DMXL2: variants seen among roughly 807,000 people sequenced by gnomAD.
The protein encoded by DMXL2 is dmX-like protein 2.
A neutral mutation model predicts 331.1 loss-of-function variants in DMXL2; 103 were observed. The observed-to-expected ratio is 0.31, with a 90% CI of 0.27 to 0.37. The LOEUF (loss-of-function observed/expected upper bound fraction) is 0.37, where lower values mean the gene tolerates loss of function less well. DMXL2 is among the 10% of genes least tolerant of loss of function. The pLI is 1.00. For synonymous variants in DMXL2, 1,281 were observed against 1,252.1 expected, an observed-to-expected ratio of 1.02 and a Z score of -0.49; for missense variants, 3,171 against 3,642.9, an observed-to-expected ratio of 0.87 and a Z score of 3.33.
Position 51,481,241 on chromosome 15 carries a change from T to A in DMXL2, c.5865A>T (p.Val1955=). The A allele has an allele frequency of 6.2e-7, 1 of 1,613,922 alleles. No homozygotes were observed. Among genetic ancestry groups the A allele is most frequent in the Non-Finnish European group, 8.5e-7 (1 of 1,179,908 alleles). Residue 1955 remains valine, a synonymous_variant, in exon 24 of 44, where the codon GTA becomes GTT. Transcript: ENST00000560891. The stretch of plus-strand genomic sequence containing the variant: ...GACTCCAGTCATACTGTGATGAAGT[T>A]ACATTTGACCATTCAATGCCAGAAC... ...NGSSGIEWSN[V]TSSQYDWSQP...
At chr15:51,572,598 G>A (rs566483142) in intron 2 of DMXL2, among the ~76,000 whole-genome samples, 52 of 152,068 alleles carry the variant, frequency 3.4e-4, no homozygotes, top group African/African-American at 9.9e-4. Flanking sequence ...CCATCAAATC[G>A]GCTTCATCCC....
Position 51,537,475 on chromosome 15 carries a change from C to A in DMXL2, c.1617+13G>T. ...TTAAGAAATGTAATAACTATTTCAT[C>A]AATAAAATATACCTGAACTTGTCTA... On this transcript the variant is annotated intron_variant, in intron 11 of 43. Transcript: ENST00000560891. The A allele has an allele frequency of 6.3e-7, 1 of 1,585,722 alleles. No individual in the cohort carries two copies. Among genetic ancestry groups the A allele is most frequent in the South Asian group, 1.1e-5 (1 of 88,122 alleles).
At chr15:51,610,039 T>C (rs918098384) in intron 1 of DMXL2, among the ~76,000 whole-genome samples, 5 of 152,086 alleles carry the variant, frequency 3.3e-5, no homozygotes, top group African/African-American at 1.2e-4. Flanking sequence ...TGTTAATCAA[T>C]GCATCACTGT....
At chr15:51,501,586 C>A (rs1056012115) in intron 17 of DMXL2, among the ~76,000 whole-genome samples, 1 of 152,168 alleles carries the variant, frequency 6.6e-6, no homozygotes, top group Non-Finnish European at 1.5e-5. Flanking sequence ...ATTTTACTAT[C>A]ATTATATTCC....
intron 1 of DMXL2, among the ~76,000 whole-genome samples, chr15:51,594,287 C>A (rs1342450728): frequency 1.4e-4 from 21 of 152,160 alleles, no homozygotes; most frequent in Non-Finnish European, 1.5e-5. Context: ...CTATAAACAC[C>A]TCTACACAAA....
intron 40 of DMXL2, chr15:51,454,222 A>G (rs1262851271): frequency 6.6e-6 from 1 of 152,292 alleles, no homozygotes; most frequent in Non-Finnish European, 1.5e-5. Flanking sequence ...AAAATTTTAA[A>G]AAGTATTTGG....
In DMXL2 at chr15:51,479,768, C is replaced by T. The variant is rs8025629; in HGVS notation, c.6756+180G>A. 0.019 allele frequency among the ~76,000 whole-genome samples: 2,835 copies of T among 152,274 alleles called. 65 individuals are homozygous for T. The highest frequency in any genetic ancestry group is 0.065 in the East Asian group (337 of 5,182). On this transcript the variant is annotated intron_variant, in intron 25 of 43. Coordinates refer to ENST00000560891, the MANE Select transcript of DMXL2 (RefSeq NM_001378457.1). ...CTGTCTTAAAGGAAGACAATAACTT[C>T]TCCAGAAGTAAGAACACTTACTTTT...
rs1002368325 is a variant in DMXL2 at position 51,480,595 on chromosome 15, C to T, written c.6511G>A (p.Gly2171Ser). ...AGTTCCATCCTTACTGAAGCCAAAC[C>T]ACCACCTTGGGCCCCATGAAGGCTA... ...YCSLHGAQGG[G>S]LASVRMELKF... The change falls in exon 24 of 44, where the codon GGT (glycine) becomes AGT (serine). Residue 2171 changes from glycine to serine, a missense_variant. Around this residue, in one of 7 missense-constraint regions of DMXL2, gnomAD observed 197 missense variants for 196.2 expected, o/e 1.00. Coordinates refer to ENST00000560891, the MANE Select transcript of DMXL2 (RefSeq NM_001378457.1). 3 of 1,562,954 alleles carry T rather than the reference C, an allele frequency of 1.9e-6. No homozygotes were observed. The highest frequency in any genetic ancestry group is 2.6e-6 in the Non-Finnish European group (3 of 1,150,744).
At chr15:51,518,562 T>C (rs532029734) in intron 13 of DMXL2, among the ~76,000 whole-genome samples, 4 of 152,296 alleles carry the variant, frequency 2.6e-5, no homozygotes, top group South Asian at 2.1e-4. Context: ...GAGACTTCCA[T>C]AGGATTCATG....
intron 2 of DMXL2, among the ~76,000 whole-genome samples, chr15:51,574,445 TC>T (rs2050879624): frequency 6.6e-6 from 1 of 152,036 alleles, no homozygotes; most frequent in Non-Finnish European, 1.5e-5. Context: ...GCCAAAAATA[TC>T]CCCTGTGATT....
chr15:51,465,364 CA>C (rs781064704), intron 31 of DMXL2, among the ~76,000 whole-genome samples: 1 of 152,162 alleles, frequency 6.6e-6, no homozygotes, highest in Non-Finnish European at 1.5e-5. Context: ...CACTGCACTA[CA>C]GTCTGGGCAA....
At chr15:51,571,168 A>G (rs902374838) in intron 2 of DMXL2, among the ~76,000 whole-genome samples, 2 of 152,232 alleles carry the variant, frequency 1.3e-5, no homozygotes, top group East Asian at 3.8e-4. Context: ...TTAAATCAAC[A>G]AAGATCAAAA....
chr15:51,487,976 C>T lies in DMXL2; in HGVS notation c.5195G>A (p.Gly1732Asp), dbSNP rs139225383. ...EQSAAFFLLA[G>D]SLKDAIEVCL... ...TACCTCTATGGCATCTTTCAATGAACCAGCTAGCAAGAAAAAAGCAGCCGA... is the reference window on the plus strand; with the variant it reads ...TACCTCTATGGCATCTTTCAATGAATCAGCTAGCAAGAAAAAAGCAGCCGA... Residue 1732 changes from glycine to aspartate, a missense_variant, in exon 22 of 44, where the codon GGT (glycine) becomes GAT (aspartate). Coordinates refer to ENST00000560891, the MANE Select transcript of DMXL2 (RefSeq NM_001378457.1). The T allele has an allele frequency of 4.3e-6, 7 of 1,609,876 alleles. No individual in the cohort carries two copies. The highest frequency in any genetic ancestry group is 5.1e-6 in the Non-Finnish European group (6 of 1,178,526).
At chr15:51,530,792 G>A (rs921286153) in intron 13 of DMXL2, among the ~76,000 whole-genome samples, 1 of 151,874 alleles carries the variant, frequency 6.6e-6, no homozygotes, top group African/African-American at 2.4e-5. Flanking sequence ...ATTTACAATA[G>A]CCATACATAA....
chr15:51,477,005 G>A (rs951306062), intron 26 of DMXL2, among the ~76,000 whole-genome samples: 1 of 151,904 alleles, frequency 6.6e-6, no homozygotes, highest in Non-Finnish European at 1.5e-5. Context: ...TCTATTTGCA[G>A]TAATTTTTAT....
rs1325222816 is a variant in DMXL2, at chr15:51,534,000, T to C, written c.2436+1663A>G. ...TTTAGTTGTGCTTAGCAAGATGAAA[T>C]GTAATAGGAAAAATAGGTCTACATT... is the stretch of plus-strand genomic sequence containing the variant. On this transcript the variant is annotated intron_variant, in intron 13 of 43. Coordinates refer to ENST00000560891, the MANE Select transcript of DMXL2 (RefSeq NM_001378457.1). Among the ~76,000 whole-genome samples, 9 of 151,994 alleles carry C rather than the reference T, an allele frequency of 5.9e-5. No homozygotes were observed. In the East Asian group the frequency reaches 1.7e-3, roughly 29 times the overall value.
At chr15:51,588,935 A>C (rs935075340) in intron 1 of DMXL2, among the ~76,000 whole-genome samples, 3 of 152,214 alleles carry the variant, frequency 2.0e-5, no homozygotes, top group Non-Finnish European at 4.4e-5. Flanking sequence ...TTGCTTCAAA[A>C]AGTCTCCAAA....
chr15:51,591,003 G>A (rs886274769), intron 1 of DMXL2, among the ~76,000 whole-genome samples: 3 of 152,210 alleles, frequency 2.0e-5, no homozygotes, highest in East Asian at 1.9e-4. Flanking sequence ...CTCCCAGAGT[G>A]AGCGACGCAG....
At chr15:51,579,393 A>AT (rs1391138474) in intron 1 of DMXL2, among the ~76,000 whole-genome samples, 1 of 152,170 alleles carries the variant, frequency 6.6e-6, no homozygotes, top group Non-Finnish European at 1.5e-5. Flanking sequence ...GGACTCATAT[A>AT]ATCAGTCAGT....
Sources: allele counts gnomAD v4.1 joint callset (sites outside exome capture counted in the v4.1 genomes callset), GRCh38; gene constraint gnomAD v4.1.1; regional missense constraint gnomAD v4.1.1; transcripts MANE v1.5; gene names NCBI Gene and HGNC (gene_info 2026-07-23, HGNC 2026-07-21).